The following SCHIP1 variants were observed in gnomAD, a reference collection of about 807,000 sequenced individuals.
SCHIP1 encodes schwannomin-interacting protein 1.
In SCHIP1, 8 loss-of-function variants were observed where a neutral mutation model predicts 29.7. The ratio of observed to expected loss-of-function variants is 0.27; its 90% CI spans 0.16 to 0.49. The LOEUF (loss-of-function observed/expected upper bound fraction) is 0.49, where lower values mean the gene tolerates loss of function less well. Ranked by LOEUF, SCHIP1 falls within the 20% of genes least tolerant of loss-of-function variation. The pLI, the probability that SCHIP1 is intolerant of heterozygous loss-of-function variation, is 0.99. For synonymous variants in SCHIP1, 76 were observed against 94.9 expected (o/e 0.80, Z 1.16); for missense variants, 193 against 294.6 (o/e 0.66, Z 2.52).
chr3:159,488,467 T>C, the SCHIP1 span, among the ~76,000 whole-genome samples: 1 of 152,086 alleles, frequency 6.6e-6, no homozygotes, highest in African/African-American at 2.4e-5. Context: ...ATCTATTATA[T>C]ACCCACAAAA....
chr3:159,389,545 TA>T, the SCHIP1 span, among the ~76,000 whole-genome samples: 13 of 152,060 alleles, frequency 8.5e-5, no homozygotes, highest in Non-Finnish European at 1.6e-4. Flanking sequence ...TTCTCCTGCA[TA>T]AATACTTGCA....
the SCHIP1 span, among the ~76,000 whole-genome samples, chr3:159,547,669 G>A: frequency 1.3e-5 from 2 of 152,178 alleles, no homozygotes; most frequent in Admixed American, 6.5e-5. Flanking sequence ...TATTAAGTAG[G>A]GAATCCTTTC....
At chr3:159,424,342 T>C in the SCHIP1 span, among the ~76,000 whole-genome samples, 2 of 152,056 alleles carry the variant, frequency 1.3e-5, no homozygotes, top group Non-Finnish European at 2.9e-5. Context: ...GAGAAGTGCT[T>C]AAAGGAGCTG....
the SCHIP1 span, among the ~76,000 whole-genome samples, chr3:159,785,866 A>G: frequency 6.6e-6 from 1 of 152,314 alleles, no homozygotes; most frequent in Admixed American, 6.5e-5. Flanking sequence ...TTCATAGACA[A>G]CGATTGTTTG....
chr3:159,427,971 C>T, the SCHIP1 span, among the ~76,000 whole-genome samples: 1 of 151,972 alleles, frequency 6.6e-6, no homozygotes, highest in Non-Finnish European at 1.5e-5. Context: ...ATAAATGGTG[C>T]TGGGAAAACT....
the SCHIP1 span, among the ~76,000 whole-genome samples, chr3:159,550,058 C>CTTCA: frequency 2.0e-5 from 3 of 147,800 alleles, no homozygotes; most frequent in Non-Finnish European, 4.5e-5. Context: ...CTGTTTTTCT[C>CTTCA]TTATCTTAAG....
the SCHIP1 span, among the ~76,000 whole-genome samples, chr3:159,531,417 T>C: frequency 3.3e-5 from 5 of 152,338 alleles, no homozygotes; most frequent in African/African-American, 1.2e-4. Flanking sequence ...TATCAAACAC[T>C]TGCACAGAGG....
the SCHIP1 span, among the ~76,000 whole-genome samples, chr3:159,289,936 T>C: frequency 6.6e-6 from 1 of 152,328 alleles, no homozygotes; most frequent in South Asian, 2.1e-4. Flanking sequence ...TATACTCCAC[T>C]AGAGCAGAAT....
chr3:159,793,081 C>T, the SCHIP1 span, among the ~76,000 whole-genome samples: 10 of 152,020 alleles, frequency 6.6e-5, no homozygotes, highest in Admixed American at 6.6e-4. Flanking sequence ...TGTAACTTAC[C>T]CTACTTTTGT....
At chr3:159,554,410 T>G in the SCHIP1 span, among the ~76,000 whole-genome samples, 1 of 152,306 alleles carries the variant, frequency 6.6e-6, no homozygotes, top group East Asian at 1.9e-4. Context: ...TTTGTCTTTT[T>G]GGCCTTAGAT....
chr3:159,425,872 C>G, the SCHIP1 span, among the ~76,000 whole-genome samples: 3 of 152,172 alleles, frequency 2.0e-5, no homozygotes, highest in Non-Finnish European at 4.4e-5. Flanking sequence ...CAAACTAGAA[C>G]TCAGGATTAA....
chr3:159,632,987 A>G, the SCHIP1 span, among the ~76,000 whole-genome samples: 239 of 152,316 alleles, frequency 1.6e-3, 1 homozygote, highest in African/African-American at 5.5e-3. Flanking sequence ...TAGTTCAGTT[A>G]TAGCCCCAGG....
At chr3:159,551,052 G>GTCTAGTCTA in the SCHIP1 span, among the ~76,000 whole-genome samples, 11 of 152,234 alleles carry the variant, frequency 7.2e-5, no homozygotes, top group East Asian at 2.1e-3. Context: ...TTAACGTGAA[G>GTCTAGTCTA]TCTAGTCTAC....
At chr3:159,286,206 TG>T in the SCHIP1 span, among the ~76,000 whole-genome samples, 1 of 152,180 alleles carries the variant, frequency 6.6e-6, no homozygotes, top group Non-Finnish European at 1.5e-5. Context: ...TTTAGTTTTT[TG>T]ATGCTCATCC....
At chr3:159,570,925 C>A in the SCHIP1 span, among the ~76,000 whole-genome samples, 1 of 152,128 alleles carries the variant, frequency 6.6e-6, no homozygotes, top group Non-Finnish European at 1.5e-5. Flanking sequence ...TGGGAGTTCA[C>A]TCTTGATTTG....
At chr3:159,870,811 A>G (rs767003523) in intron 2 of SCHIP1, among the ~76,000 whole-genome samples, 2 of 152,040 alleles carry the variant, frequency 1.3e-5, no homozygotes, top group African/African-American at 4.8e-5. Flanking sequence ...ATGCTGGCTT[A>G]AAAATGGATT....
the SCHIP1 span, chr3:159,387,252 A>G: frequency 9.7e-6 from 2 of 207,136 alleles, no homozygotes; most frequent in Admixed American, 1.1e-4. Flanking sequence ...GGCCAGCAAG[A>G]GTCTGCTTTT....
the SCHIP1 span, among the ~76,000 whole-genome samples, chr3:159,679,614 G>C: frequency 6.6e-6 from 1 of 152,210 alleles, no homozygotes; most frequent in Admixed American, 6.5e-5. Flanking sequence ...ATAGGGAAGA[G>C]TGATTCTTTA....
At chr3:159,490,161 A>G in the SCHIP1 span, among the ~76,000 whole-genome samples, 1 of 152,206 alleles carries the variant, frequency 6.6e-6, no homozygotes, top group Non-Finnish European at 1.5e-5. Context: ...TTACATGTAT[A>G]GAATGTGAAA....
Sources: allele counts gnomAD v4.1 joint callset (sites outside exome capture counted in the v4.1 genomes callset), GRCh38; gene constraint gnomAD v4.1.1; transcripts MANE v1.5; gene names NCBI Gene and HGNC (gene_info 2026-07-23, HGNC 2026-07-21).